Variants in TBC1D23 observed in about 807,000 individuals in gnomAD.
The protein encoded by TBC1D23 is TBC1 domain family member 23, also known as HCV non-structural protein 4A-transactivated protein 1.
Under a neutral mutation model 91.4 loss-of-function variants are expected in TBC1D23, and 55 were observed. The ratio of observed to expected loss-of-function variants is 0.60; its 90% confidence interval spans 0.48 to 0.75. TBC1D23 has a LOEUF of 0.75. Among genes scored for constraint, TBC1D23 ranks in the 30% least tolerant of loss-of-function variants. The pLI, the probability that TBC1D23 is intolerant of heterozygous loss-of-function variation, is 0.00. For missense variants in TBC1D23, 725 were observed against 836.1 expected (o/e 0.87, Z 1.64); for synonymous variants, 289 against 281.0 (o/e 1.03, Z -0.28).
chr3:100,271,407 A>G (rs2067598181), intron 1 of TBC1D23, among the ~76,000 whole-genome samples: 1 of 152,186 alleles, frequency 6.6e-6, no homozygotes, highest in South Asian at 2.1e-4. Context: ...TCTCAGAAGA[A>G]AGAGCCAGTA....
At chr3:100,313,179 A>G (rs534270699) in intron 15 of TBC1D23, among the ~76,000 whole-genome samples, 4 of 152,250 alleles carry the variant, frequency 2.6e-5, no homozygotes, top group Admixed American at 6.5e-5. Flanking sequence ...TAAAATTACA[A>G]TCTATTTGTG....
intron 13 of TBC1D23, among the ~76,000 whole-genome samples, chr3:100,308,011 T>C (rs544889876): frequency 6.6e-6 from 1 of 152,338 alleles, no homozygotes; most frequent in Admixed American, 6.5e-5. Flanking sequence ...AGTTTTTCTA[T>C]TGAAGCTTTT....
chr3:100,296,086 T>G (rs1395452286), intron 7 of TBC1D23, 86 bp from the exon 8 acceptor site: 3 of 703,390 alleles, frequency 4.3e-6, no homozygotes, highest in Non-Finnish European at 7.1e-6. Flanking sequence ...TGCATAGTAT[T>G]TATGATGAAG....
At chr3:100,284,447 T>G (rs1452409960) in intron 4 of TBC1D23, among the ~76,000 whole-genome samples, 1 of 152,216 alleles carries the variant, frequency 6.6e-6, no homozygotes, top group Admixed American at 6.5e-5. Context: ...AAAGTAAAAT[T>G]TCTGGGGTGT....
intron 16 of TBC1D23, among the ~76,000 whole-genome samples, chr3:100,318,643 ATTCTTTTTTTTTTTTT>A (rs1378705299): frequency 1.3e-5 from 2 of 149,472 alleles, no homozygotes; most frequent in Non-Finnish European, 3.0e-5. Flanking sequence ...TGATTGCGTT[ATTCTTTTTTTTTTTTT>A]TTCTTTTTTT....
Position 100,281,783 on chromosome 3 carries a change from A to G in TBC1D23, c.207A>G (p.Ser69=). The G allele has an allele frequency of 6.2e-7, 1 of 1,613,268 alleles. No homozygotes were observed. The highest frequency in any genetic ancestry group is 2.2e-5 in the East Asian group (1 of 44,774). The change falls in exon 3 of 19, where the codon TCA becomes TCG. Residue 69 remains serine (S), a synonymous_variant. Transcript: ENST00000394144. The part of the protein sequence containing the change: ...NVAGKGDSLA[S]WDGILDLPEQ... ...CAGGAAAAGGTGATAGTTTGGCATC[A>G]TGGGATGGTATTTTAGACTTGCCAG... is the stretch of plus-strand genomic sequence containing the variant.
At chr3:100,265,593 T>C (rs1040054821) in intron 1 of TBC1D23, among the ~76,000 whole-genome samples, 2 of 152,244 alleles carry the variant, frequency 1.3e-5, no homozygotes, top group Non-Finnish European at 2.9e-5. Context: ...TATGTTCTCA[T>C]TTTCCGATAC....
At chr3:100,311,938 C>A in intron 15 of TBC1D23, 61 bp downstream of exon 15, 2 of 1,104,396 alleles carry the variant, frequency 1.8e-6, no homozygotes, top group Non-Finnish European at 2.7e-6. Flanking sequence ...TGCTTCATGC[C>A]ATCTATAAGC....
At chr3:100,292,074 A>G (rs1373093925) in intron 5 of TBC1D23, among the ~76,000 whole-genome samples, 1 of 152,078 alleles carries the variant, frequency 6.6e-6, no homozygotes, top group African/African-American at 2.4e-5. Flanking sequence ...CCTTATTTCA[A>G]TCTGTGATAA....
chr3:100,295,831 C>T (rs1181848853), intron 7 of TBC1D23, among the ~76,000 whole-genome samples: 1 of 152,116 alleles, frequency 6.6e-6, no homozygotes, highest in Non-Finnish European at 1.5e-5. Flanking sequence ...TATTTTTTCA[C>T]ACAAGACAAA....
At chr3:100,310,381 A>G (rs1576183043) in intron 13 of TBC1D23, 22 bp from the exon 14 acceptor site, 1 of 1,603,574 alleles carries the variant, frequency 6.2e-7, no homozygotes, top group Non-Finnish European at 8.5e-7. Flanking sequence ...GAGGCAGTTA[A>G]TCCATTATGT....
chr3:100,262,033 G>A (rs1283258227), intron 1 of TBC1D23, among the ~76,000 whole-genome samples: 1 of 152,024 alleles, frequency 6.6e-6, no homozygotes, highest in Non-Finnish European at 1.5e-5. Flanking sequence ...AATCCCAGAG[G>A]AAAAAAATGG....
intron 15 of TBC1D23, among the ~76,000 whole-genome samples, chr3:100,313,014 A>G (rs1390530889): frequency 6.6e-6 from 1 of 150,634 alleles, no homozygotes; most frequent in African/African-American, 2.4e-5. Flanking sequence ...CTCAAAAAAT[A>G]ATAATAATAA....
intron 12 of TBC1D23, among the ~76,000 whole-genome samples, chr3:100,305,816 G>T (rs1288485619): frequency 6.6e-6 from 1 of 152,244 alleles, no homozygotes; most frequent in Admixed American, 6.5e-5. Flanking sequence ...TTAATAAGTA[G>T]TGTTAAACAT....
At chr3:100,295,383 G>T in intron 7 of TBC1D23, 35 bp downstream of exon 7, 6 of 1,551,480 alleles carry the variant, frequency 3.9e-6, no homozygotes, top group South Asian at 1.2e-5. Flanking sequence ...AACATTTCAG[G>T]TCTCTTTATC....
chr3:100,299,547 T>G (rs1705379409), intron 10 of TBC1D23, among the ~76,000 whole-genome samples: 1 of 152,234 alleles, frequency 6.6e-6, no homozygotes, highest in South Asian at 2.1e-4. Context: ...TTCGCTTTTG[T>G]TGCCCAGGCA....
At chr3:100,284,452 G>A (rs1026452096) in intron 4 of TBC1D23, among the ~76,000 whole-genome samples, 30 of 152,152 alleles carry the variant, frequency 2.0e-4, no homozygotes, top group African/African-American at 7.2e-4. Flanking sequence ...AAAATTTCTG[G>A]GGTGTTACCT....
At chr3:100,263,683 G>C (rs2067533621) in intron 1 of TBC1D23, among the ~76,000 whole-genome samples, 1 of 152,218 alleles carries the variant, frequency 6.6e-6, no homozygotes, top group Non-Finnish European at 1.5e-5. Context: ...ACACTTTTCA[G>C]AAAGTGACCT....
At position 100,283,671 on chromosome 3, in the gene TBC1D23, C is replaced by T. The variant is rs752842795; in HGVS notation, c.336C>T (p.Thr112=). The change falls in exon 4 of 19, where the codon ACC becomes ACT. Residue 112 remains threonine (T), a synonymous_variant. Coordinates refer to ENST00000394144, the MANE Select transcript of TBC1D23 (RefSeq NM_001199198.3). ...TTTTGGATATTGAATCTGTAATTACCTTTTATTGTAAATCACGTAACATTA... is the reference window on the plus strand; with the variant it reads ...TTTTGGATATTGAATCTGTAATTACTTTTTATTGTAAATCACGTAACATTA... The part of the protein sequence containing the change: ...ELLLDIESVI[T]FYCKSRNIKY... 2 of 1,613,262 alleles carry T rather than the reference C, an allele frequency of 1.2e-6. No individual in the cohort carries two copies. The highest frequency in any genetic ancestry group is 2.7e-5 in the African/African-American group (2 of 74,892).
Sources: gnomAD v4.1 joint callset for allele counts (sites outside exome capture counted in the v4.1 genomes callset) on GRCh38, gnomAD v4.1.1 for gene constraint, MANE v1.5 for transcripts, NCBI Gene and HGNC (gene_info 2026-07-23, HGNC 2026-07-21) for gene names.